Variants in KAT2B observed in about 807,000 individuals in gnomAD.
KAT2B encodes lysine acetyltransferase 2B.
KAT2B carries 36 observed loss-of-function variants against 105.9 expected under a neutral mutation model. That is an observed-to-expected ratio of 0.34 (90% CI 0.26 to 0.45). The LOEUF (loss-of-function observed/expected upper bound fraction) is 0.45, where lower values mean the gene tolerates loss of function less well. Among genes scored for constraint, KAT2B ranks in the 20% least tolerant of loss-of-function variants. The probability of loss-of-function intolerance (pLI) is 1.00; values close to 1 mark genes in which losing one functional copy is unlikely to be tolerated. For synonymous variants in KAT2B, 397 were observed against 377.9 expected (o/e 1.05, Z -0.59); for missense variants, 820 against 1,021.6 (o/e 0.80, Z 2.69).
At chr3:20,084,309 G>A (rs1212969816) in intron 2 of KAT2B, among the ~76,000 whole-genome samples, 3 of 151,964 alleles carry the variant, frequency 2.0e-5, no homozygotes, top group Non-Finnish European at 4.4e-5. Context: ...TTTATTCTAG[G>A]AAGCTTAACC....
intron 7 of KAT2B, among the ~76,000 whole-genome samples, chr3:20,117,589 C>T (rs1427535760): frequency 6.6e-6 from 1 of 152,212 alleles, no homozygotes; most frequent in African/African-American, 2.4e-5. Flanking sequence ...TGACAAACCA[C>T]TGGCTATTCA....
intron 2 of KAT2B, among the ~76,000 whole-genome samples, chr3:20,081,878 C>CATATATATATATATACATATATATATAT (rs139743528): frequency 7.1e-6 from 1 of 140,502 alleles, no homozygotes; most frequent in African/African-American, 2.8e-5. Context: ...GTCATTGGCT[C>CATATATATATATATACATATATATATAT]ATATATATAT....
chr3:20,040,882 T>C, intron 1 of KAT2B, 102 bp downstream of exon 1: 2 of 1,333,818 alleles, frequency 1.5e-6, no homozygotes, highest in Non-Finnish European at 2.0e-6. Context: ...GCCTCCTGCC[T>C]CTCGCCTCCC....
chr3:20,106,979 G>C (rs28615631), intron 5 of KAT2B, among the ~76,000 whole-genome samples: 1 of 33,498 alleles, frequency 3.0e-5, no homozygotes. Context: ...ATATATATAT[G>C]TATATATATA....
chr3:20,127,329 T>A (rs1335903037), intron 10 of KAT2B, 94 bp from the exon 11 acceptor site: 2 of 1,074,814 alleles, frequency 1.9e-6, no homozygotes, highest in East Asian at 4.7e-5. Context: ...TTAGGACATG[T>A]CCCTCTTTCT....
chr3:20,047,571 T>C (rs898543230), intron 1 of KAT2B, among the ~76,000 whole-genome samples: 9 of 151,600 alleles, frequency 5.9e-5, no homozygotes, highest in Non-Finnish European at 8.8e-5. Flanking sequence ...TTATGACTTC[T>C]TCCATCCCCG....
intron 11 of KAT2B, among the ~76,000 whole-genome samples, chr3:20,131,831 T>G (rs1699516271): frequency 1.3e-5 from 2 of 152,200 alleles, no homozygotes; most frequent in South Asian, 4.1e-4. Context: ...CCCAAAGTGC[T>G]GAGATTATAG....
chr3:20,109,335 G>A (rs1269315216), intron 5 of KAT2B, among the ~76,000 whole-genome samples: 1 of 150,408 alleles, frequency 6.6e-6, no homozygotes, highest in African/African-American at 2.4e-5. Flanking sequence ...GCATGTCAGT[G>A]TCTCATTCTG....
At chr3:20,147,357 T>G (rs935037837) in intron 14 of KAT2B, among the ~76,000 whole-genome samples, 1 of 140,642 alleles carries the variant, frequency 7.1e-6, no homozygotes, top group Non-Finnish European at 1.5e-5. Context: ...TCTGTTTTTG[T>G]TTTTTTTTTT....
chr3:20,059,086 C>T (rs1220855258), intron 1 of KAT2B, among the ~76,000 whole-genome samples: 1 of 152,156 alleles, frequency 6.6e-6, no homozygotes, highest in African/African-American at 2.4e-5. Flanking sequence ...CAGCTGCTTA[C>T]AGTGGACTCC....
intron 1 of KAT2B, among the ~76,000 whole-genome samples, chr3:20,065,004 T>A (rs902085652): frequency 6.6e-6 from 1 of 152,210 alleles, no homozygotes; most frequent in African/African-American, 2.4e-5. Flanking sequence ...ACCCCTTGTC[T>A]GTCTGTAATC....
At chr3:20,080,981 T>C (rs907578245) in intron 2 of KAT2B, among the ~76,000 whole-genome samples, 1 of 152,350 alleles carries the variant, frequency 6.6e-6, no homozygotes, top group East Asian at 1.9e-4. Flanking sequence ...ACTGCTCTCA[T>C]CTAATGGGCT....
At chr3:20,062,928 C>T (rs1281181896) in intron 1 of KAT2B, among the ~76,000 whole-genome samples, 2 of 151,974 alleles carry the variant, frequency 1.3e-5, no homozygotes, top group African/African-American at 4.8e-5. Flanking sequence ...GGATATTAAC[C>T]TGTTATCAAA....
intron 1 of KAT2B, among the ~76,000 whole-genome samples, chr3:20,069,757 C>G (rs1008646994): frequency 6.6e-6 from 1 of 151,996 alleles, no homozygotes; most frequent in African/African-American, 2.4e-5. Flanking sequence ...TCTTGAACTC[C>G]TGACCTCATG....
intron 6 of KAT2B, among the ~76,000 whole-genome samples, chr3:20,113,752 A>G (rs1699159932): frequency 6.6e-6 from 1 of 152,178 alleles, no homozygotes; most frequent in Non-Finnish European, 1.5e-5. Context: ...GGTCTCTGCA[A>G]TTCTCAGATG....
chr3:20,141,955 G>A (rs1699702093), intron 13 of KAT2B, among the ~76,000 whole-genome samples: 1 of 152,112 alleles, frequency 6.6e-6, no homozygotes, highest in African/African-American at 2.4e-5. Flanking sequence ...TCTCTCTGGA[G>A]CTTAATGAGC....
At position 20,125,960 on chromosome 3, in the gene KAT2B, G is replaced by T. The variant is rs767911128; in HGVS notation, c.1469G>T (p.Arg490Leu). ...ARDEAARLEE[R>L]RGVIEFHVVG... Reference sequence around the variant, plus strand: ...GATGAGGCGGCAAGGTTGGAAGAGCGCAGGGGTGTAATTGAATTTCACGTG... The same window carrying T: ...GATGAGGCGGCAAGGTTGGAAGAGCTCAGGGGTGTAATTGAATTTCACGTG... Residue 490 changes from arginine to leucine, a missense_variant, in exon 10 of 18, where the codon CGC becomes CTC. Transcript: ENST00000263754. The T allele has an allele frequency of 4.3e-6, 7 of 1,613,976 alleles. No homozygotes were observed. Among genetic ancestry groups the T allele is most frequent in the Non-Finnish European group, 5.9e-6 (7 of 1,179,930 alleles).
chr3:20,129,373 G>A (rs1164337212), intron 11 of KAT2B, among the ~76,000 whole-genome samples: 2 of 141,374 alleles, frequency 1.4e-5, no homozygotes, highest in Non-Finnish European at 3.0e-5. Context: ...GTTCTGTACT[G>A]TCTTTTTTTT....
chr3:20,120,021 T>A (rs1361535582), intron 8 of KAT2B, among the ~76,000 whole-genome samples: 1 of 152,130 alleles, frequency 6.6e-6, no homozygotes, highest in African/African-American at 2.4e-5. Flanking sequence ...TTGATTATAA[T>A]CTCTGTTTTG....
Sources: allele counts gnomAD v4.1 joint callset (sites outside exome capture counted in the v4.1 genomes callset), GRCh38; gene constraint gnomAD v4.1.1; transcripts MANE v1.5; gene names NCBI Gene and HGNC (gene_info 2026-07-23, HGNC 2026-07-21).